DSC1: variants seen among roughly 807,000 people sequenced by gnomAD.
The protein encoded by DSC1 is desmocollin 1.
DSC1 carries 79 observed loss-of-function variants against 98.8 expected under a neutral mutation model. That is an observed-to-expected ratio of 0.80 (90% confidence interval 0.67 to 0.96). The LOEUF (loss-of-function observed/expected upper bound fraction) is 0.96. DSC1 is among the 50% of genes least tolerant of loss of function. DSC1 has a pLI of 0.00. For synonymous variants in DSC1, 405 were observed against 372.1 expected (o/e 1.09, Z -1.02); for missense variants, 1,115 against 1,075.9 (o/e 1.04, Z -0.51).
Position 31,140,033 on chromosome 18 carries a change from G to C in DSC1, c.1520+9C>G, listed in dbSNP as rs114414131. 2.4e-3 allele frequency: 3,904 copies of C among 1,604,416 alleles called. 85 individuals carry two copies. The African/African-American group carries it at 0.046, about 19-fold the overall frequency. ...TTAAAATTAAGGAGCTTTTTGAAAAGTACATCACCTTAAGCCTTCACCACT... is the reference window on the plus strand; with the variant it reads ...TTAAAATTAAGGAGCTTTTTGAAAACTACATCACCTTAAGCCTTCACCACT... On this transcript the variant is annotated intron_variant, in intron 10 of 15. Transcript: ENST00000257198.
intron 5 of DSC1, among the ~76,000 whole-genome samples, chr18:31,149,240 A>T (rs1440721265): frequency 6.6e-6 from 1 of 152,110 alleles, no homozygotes; most frequent in African/African-American, 2.4e-5. Flanking sequence ...CACCTTCCTT[A>T]TGTGGTTTGT....
intron 14 of DSC1, 74 bp from the exon 15 acceptor site, chr18:31,131,916 C>T: frequency 6.5e-7 from 1 of 1,535,270 alleles, no homozygotes. Context: ...TTTTTTTCAC[C>T]ATAGGCAAAT....
intron 11 of DSC1, among the ~76,000 whole-genome samples, chr18:31,136,472 T>C (rs1988611737): frequency 6.6e-6 from 1 of 152,220 alleles, no homozygotes; most frequent in Non-Finnish European, 1.5e-5. Flanking sequence ...CATAACTTAC[T>C]ATTTTCTATT....
At chr18:31,131,933 C>T (rs752544679) in intron 14 of DSC1, 91 bp from the exon 15 acceptor site, 16 of 1,399,828 alleles carry the variant, frequency 1.1e-5, no homozygotes, top group South Asian at 1.3e-5. Context: ...AAATCACTTG[C>T]CTGCTGTGCC....
chr18:31,134,427 T>C, intron 12 of DSC1, 145 bp downstream of exon 12: 1 of 824,868 alleles, frequency 1.2e-6, no homozygotes, highest in Non-Finnish European at 1.8e-6. Context: ...GCACTAATTT[T>C]TTTTAAAGAT....
chr18:31,152,005 T>C (rs1249423568), intron 5 of DSC1, among the ~76,000 whole-genome samples: 4 of 151,404 alleles, frequency 2.6e-5, no homozygotes, highest in Non-Finnish European at 4.4e-5. Context: ...CTACGAAAAA[T>C]ACAAAGATTA....
intron 12 of DSC1, 128 bp downstream of exon 12, chr18:31,134,444 T>G: frequency 1.1e-6 from 1 of 884,622 alleles, no homozygotes; most frequent in South Asian, 1.9e-5. Flanking sequence ...AGATTAGGTA[T>G]TGTTGTTTTT....
Position 31,140,068 on chromosome 18 carries a change from C to A in DSC1, c.1494G>T (p.Pro498=), listed in dbSNP as rs150349980. Residue 498 remains proline (P), a synonymous_variant, in exon 10 of 16, where the codon CCG becomes CCT. Coordinates refer to ENST00000257198, the MANE Select transcript of DSC1 (RefSeq NM_024421.2). ...QELLGYKALD[P]EISSGEGLRY... ...TTAAGCCTTCACCACTGGATATTTC[C>A]GGGTCCAGTGCTTTGTATCCAAGGA... 1 of 1,613,728 alleles carries A rather than the reference C, an allele frequency of 6.2e-7. No homozygotes were observed. Among genetic ancestry groups the A allele is most frequent in the Non-Finnish European group, 8.5e-7 (1 of 1,179,888 alleles).
chr18:31,157,778 G>A (rs773493237), intron 2 of DSC1, among the ~76,000 whole-genome samples: 4 of 152,200 alleles, frequency 2.6e-5, no homozygotes, highest in South Asian at 2.1e-4. Context: ...CACTACCTTC[G>A]TCATACATTA....
chr18:31,132,989 C>A (rs1287361689), intron 13 of DSC1, among the ~76,000 whole-genome samples: 4 of 152,080 alleles, frequency 2.6e-5, no homozygotes, highest in Non-Finnish European at 5.9e-5. Flanking sequence ...TAGTTAAAAT[C>A]ATACAGAACA....
chr18:31,150,128 A>T (rs1455208888), intron 5 of DSC1, among the ~76,000 whole-genome samples: 1 of 138,146 alleles, frequency 7.2e-6, no homozygotes, highest in Non-Finnish European at 1.6e-5. Flanking sequence ...CACCATCTCC[A>T]CCATTATCAC....
chr18:31,148,378 G>C, intron 6 of DSC1, 120 bp downstream of exon 6: 1 of 1,254,460 alleles, frequency 8.0e-7, no homozygotes, highest in Non-Finnish European at 1.1e-6. Context: ...AAAAGTGTAT[G>C]TAATCAGAAA....
rs1367064703 is a variant in DSC1 at position 31,148,598 on chromosome 18, A to G, written c.672T>C (p.Tyr224=). ...ATTADGYAPE[Y]PLPLIIKIED... ...CAATTTTGATGATCAAAGGGAGTGGATATTCTGGTGCATAGCCATCTGCAG... is the reference window on the plus strand; with the variant it reads ...CAATTTTGATGATCAAAGGGAGTGGGTATTCTGGTGCATAGCCATCTGCAG... Residue 224 remains tyrosine (Y), a synonymous_variant, in exon 6 of 16, where the codon TAT becomes TAC. Coordinates refer to ENST00000257198, the MANE Select transcript of DSC1 (RefSeq NM_024421.2). 1 of 1,609,516 alleles carries G rather than the reference A, an allele frequency of 6.2e-7. No homozygotes were observed. Among genetic ancestry groups the G allele is most frequent in the South Asian group, 1.1e-5 (1 of 90,594 alleles).
In DSC1 at chr18:31,131,636, C is replaced by G. The variant is rs755652280; in HGVS notation, c.2445G>C (p.Ala815=). Residue 815 remains alanine, a synonymous_variant, in exon 15 of 16, where the codon GCG becomes GCC. Transcript: ENST00000257198. ...GVGQGDTGRY[A]YTDWQSFTQP... ...GGGTGAAACTCTGCCAGTCCGTGTA[C>G]GCATATCTGCCAGTATCTCCCTGCC... is the stretch of plus-strand genomic sequence containing the variant. 6.2e-7 allele frequency: 1 copy of G among 1,613,936 alleles called. No homozygotes were observed. The highest frequency in any genetic ancestry group is 1.1e-5 in the South Asian group (1 of 91,082).
At chr18:31,134,255 T>G (rs77813466) in intron 12 of DSC1, 125 bp from the exon 13 acceptor site, 1 of 1,248,988 alleles carries the variant, frequency 8.0e-7, no homozygotes, top group East Asian at 2.5e-5. Flanking sequence ...TTTTTTTTTT[T>G]GAATTTGTGA....
chr18:31,131,483 G>A (rs975112245), intron 15 of DSC1, 111 bp downstream of exon 15: 1 of 1,350,980 alleles, frequency 7.4e-7, no homozygotes, highest in Non-Finnish European at 1.0e-6. Context: ...AATCCAACAG[G>A]TAAAAGATGT....
At chr18:31,156,245 C>CTTGT in intron 3 of DSC1, 83 bp from the exon 4 acceptor site, 1 of 1,508,254 alleles carries the variant, frequency 6.6e-7, no homozygotes, top group Non-Finnish European at 9.0e-7. Context: ...CATCAACAAG[C>CTTGT]AGATGTAAGG....
At chr18:31,162,119 C>T (rs1458680557) in intron 1 of DSC1, among the ~76,000 whole-genome samples, 3 of 152,326 alleles carry the variant, frequency 2.0e-5, no homozygotes, top group South Asian at 4.1e-4. Flanking sequence ...TGCATGTTCA[C>T]CCAGAATCCT....
intron 14 of DSC1, 94 bp downstream of exon 14, chr18:31,132,474 T>A: frequency 1.3e-6 from 2 of 1,523,514 alleles, no homozygotes; most frequent in Non-Finnish European, 1.8e-6. Flanking sequence ...AAGTGCTCAA[T>A]AAACATTAGT....
Sources: allele counts gnomAD v4.1 joint callset (sites outside exome capture counted in the v4.1 genomes callset), GRCh38; gene constraint gnomAD v4.1.1; transcripts MANE v1.5; gene names NCBI Gene and HGNC (gene_info 2026-07-23, HGNC 2026-07-21).